Variants in SLC9A9 observed in about 807,000 individuals in gnomAD.
The protein encoded by SLC9A9 is sodium/hydrogen exchanger 9.
SLC9A9 carries 62 observed loss-of-function variants against 77.8 expected under a neutral mutation model. The ratio of observed to expected loss-of-function variants is 0.80; its 90% CI spans 0.65 to 0.98. The LOEUF is 0.98. Ranked by LOEUF, SLC9A9 falls within the 50% of genes least tolerant of loss-of-function variation. The probability of loss-of-function intolerance (pLI) is 0.00; values close to 1 mark genes in which losing one functional copy is unlikely to be tolerated. For synonymous variants in SLC9A9, 320 were observed against 283.5 expected, an observed-to-expected ratio of 1.13 and a Z score of -1.29; for missense variants, 775 against 774.9, an observed-to-expected ratio of 1.00 and a Z score of 0.00.
chr3:143,721,006 C>A (rs557738736), intron 4 of SLC9A9, among the ~76,000 whole-genome samples: 2 of 152,158 alleles, frequency 1.3e-5, no homozygotes, highest in Non-Finnish European at 2.9e-5. Context: ...CCCTAGAGTT[C>A]GAGACCAGCC....
intron 1 of SLC9A9, among the ~76,000 whole-genome samples, chr3:143,842,138 TG>T (rs2009723255): frequency 6.6e-6 from 1 of 152,054 alleles, no homozygotes; most frequent in African/African-American, 2.4e-5. Flanking sequence ...CCCAGCACTT[TG>T]GGAGGCTGAG....
intron 9 of SLC9A9, among the ~76,000 whole-genome samples, chr3:143,537,430 C>A (rs2036608193): frequency 6.6e-6 from 1 of 152,196 alleles, no homozygotes; most frequent in Non-Finnish European, 1.5e-5. Context: ...GTTCCAACTG[C>A]AGCCTGTGCT....
At chr3:143,396,953 T>C (rs1334193821) in intron 12 of SLC9A9, among the ~76,000 whole-genome samples, 2 of 152,174 alleles carry the variant, frequency 1.3e-5, no homozygotes, top group Non-Finnish European at 2.9e-5. Flanking sequence ...GCTGAAAACA[T>C]TATGTTCTTT....
chr3:143,622,520 T>G (rs910787040), intron 6 of SLC9A9, among the ~76,000 whole-genome samples: 9 of 152,122 alleles, frequency 5.9e-5, no homozygotes, highest in Admixed American at 4.6e-4. Flanking sequence ...AAACTAAGCT[T>G]CATAAGTGAA....
intron 11 of SLC9A9, among the ~76,000 whole-genome samples, chr3:143,471,209 C>T (rs1195646845): frequency 6.6e-6 from 1 of 152,126 alleles, no homozygotes; most frequent in Admixed American, 6.6e-5. Flanking sequence ...GGTGAGGCTG[C>T]CGGGTGGACA....
At chr3:143,782,678 T>G (rs2007919758) in intron 4 of SLC9A9, among the ~76,000 whole-genome samples, 1 of 152,260 alleles carries the variant, frequency 6.6e-6, no homozygotes, top group African/African-American at 2.4e-5. Flanking sequence ...TTGTCACTTT[T>G]GTTATTTCTA....
At chr3:143,580,685 A>G (rs757185406) in intron 6 of SLC9A9, among the ~76,000 whole-genome samples, 1 of 152,236 alleles carries the variant, frequency 6.6e-6, no homozygotes, top group Non-Finnish European at 1.5e-5. Flanking sequence ...GGGTGTGCCC[A>G]CTGATCTGTA....
intron 5 of SLC9A9, among the ~76,000 whole-genome samples, chr3:143,691,779 C>G (rs1207124962): frequency 6.6e-6 from 1 of 152,086 alleles, no homozygotes; most frequent in East Asian, 1.9e-4. Context: ...CTAAAATAAC[C>G]AAACATAAAC....
intron 1 of SLC9A9, among the ~76,000 whole-genome samples, chr3:143,841,013 G>A (rs1025085508): frequency 1.3e-5 from 2 of 152,036 alleles, no homozygotes; most frequent in Admixed American, 6.5e-5. Context: ...CATCTGGCAC[G>A]GAGCGAACAG....
chr3:143,546,934 T>G (rs1040772557), intron 9 of SLC9A9, among the ~76,000 whole-genome samples: 3 of 152,242 alleles, frequency 2.0e-5, no homozygotes, highest in Non-Finnish European at 2.9e-5. Context: ...TTTCCTCTTA[T>G]TCTACCTTGA....
At chr3:143,327,996 A>G (rs2031653117) in intron 14 of SLC9A9, among the ~76,000 whole-genome samples, 1 of 152,184 alleles carries the variant, frequency 6.6e-6, no homozygotes, top group South Asian at 2.1e-4. Context: ...TTCTATATGG[A>G]CATTTTTTTC....
chr3:143,391,785 C>T (rs924120410), intron 12 of SLC9A9, among the ~76,000 whole-genome samples: 10 of 152,020 alleles, frequency 6.6e-5, no homozygotes, highest in African/African-American at 1.9e-4. Context: ...AACCATGGCA[C>T]GAGAACTATG....
chr3:143,826,539 G>T (rs184073191), intron 2 of SLC9A9, among the ~76,000 whole-genome samples: 25 of 152,154 alleles, frequency 1.6e-4, no homozygotes, highest in African/African-American at 6.0e-4. Context: ...TACACAGCAG[G>T]CACACTATCC....
intron 4 of SLC9A9, among the ~76,000 whole-genome samples, chr3:143,709,004 G>C (rs966646977): frequency 2.0e-5 from 3 of 152,214 alleles, no homozygotes; most frequent in Non-Finnish European, 2.9e-5. Flanking sequence ...CTGATGAGCA[G>C]ATAGGATCAG....
At position 143,796,876 on chromosome 3, in the gene SLC9A9, T is replaced by G. The variant is rs1250201190; in HGVS notation, c.406A>C (p.Asn136His). Residue 136 changes from asparagine (N) to histidine (H), a missense_variant, in exon 3 of 16, where the codon AAT becomes CAT. Asn to His is a moderately conservative substitution (Grantham distance 68). Transcript: ENST00000316549. ...AATATAATTGGTGGCAGTAAAACAT[T>G]GAAGAAGATTTCTGGATCAAATGTC... ...KMTFDPEIFFNVLLPPIIFHA... is the reference protein window; with the variant it reads ...KMTFDPEIFFHVLLPPIIFHA... 2 of 1,612,390 alleles carry G rather than the reference T, an allele frequency of 1.2e-6. No homozygotes were observed. The highest frequency in any genetic ancestry group is 1.7e-6 in the Non-Finnish European group (2 of 1,178,936).
intron 2 of SLC9A9, 137 bp from the exon 3 acceptor site, chr3:143,797,040 G>A: frequency 1.5e-6 from 1 of 650,382 alleles, no homozygotes; most frequent in Admixed American, 3.0e-5. Flanking sequence ...CAGAGATGAA[G>A]GTAGGAAAAA....
At chr3:143,661,186 C>CTGAGGGG (rs2038973408) in intron 5 of SLC9A9, among the ~76,000 whole-genome samples, 1 of 152,202 alleles carries the variant, frequency 6.6e-6, no homozygotes, top group Non-Finnish European at 1.5e-5. Context: ...AGCCAAAAGT[C>CTGAGGGG]ATAAAGCAGC....
chr3:143,587,845 A>G (rs996633776), intron 6 of SLC9A9, among the ~76,000 whole-genome samples: 1 of 152,240 alleles, frequency 6.6e-6, no homozygotes, highest in Non-Finnish European at 1.5e-5. Flanking sequence ...AAATAACAGC[A>G]GACCACAGGA....
At chr3:143,627,196 A>T (rs151193626) in intron 6 of SLC9A9, 3 of 152,720 alleles carry the variant, frequency 2.0e-5, no homozygotes, top group African/African-American at 7.2e-5. Flanking sequence ...TCAAAGCCGT[A>T]AGGAGATTTG....
Sources: allele counts gnomAD v4.1 joint callset (sites outside exome capture counted in the v4.1 genomes callset), GRCh38; gene constraint gnomAD v4.1.1; transcripts MANE v1.5; gene names NCBI Gene and HGNC (gene_info 2026-07-23, HGNC 2026-07-21).